PPFIBP2: variants seen among roughly 807,000 people sequenced by gnomAD.
The protein encoded by PPFIBP2 is PPFIB scaffold protein 2.
A neutral mutation model predicts 118.3 loss-of-function variants in PPFIBP2; 118 were observed. The observed-to-expected ratio is 1.00, with a 90% confidence interval of 0.86 to 1.16. The LOEUF is 1.16. Ranked by LOEUF, PPFIBP2 falls within the 50% of genes most tolerant of loss-of-function variation. The pLI is 0.00. For synonymous variants in PPFIBP2, 414 were observed against 397.4 expected, an observed-to-expected ratio of 1.04 and a Z score of -0.50; for missense variants, 1,195 against 1,073.1, an observed-to-expected ratio of 1.11 and a Z score of -1.59.
intron 3 of PPFIBP2, among the ~76,000 whole-genome samples, chr11:7,566,763 C>G (rs7116212): frequency 0.55 from 83,131 of 152,002 alleles, 24,648 homozygotes; most frequent in African/African-American, 0.79. Flanking sequence ...GTGAAATTTC[C>G]TTACATGTAT....
the PPFIBP2 span, chr11:7,665,896 C>T: frequency 1.1e-5 from 17 of 1,536,140 alleles, no homozygotes; most frequent in African/African-American, 4.1e-5. Flanking sequence ...AGTGGAACTG[C>T]GCAGAATTGC....
chr11:7,666,044 T>C, the PPFIBP2 span: 1 of 802,262 alleles, frequency 1.2e-6, no homozygotes, highest in East Asian at 2.7e-5. Flanking sequence ...AGCAGCTGTC[T>C]GGGGGCTCAG....
intron 19 of PPFIBP2, 25 bp from the exon 20 acceptor site, chr11:7,649,122 A>C (rs4758009): frequency 0.59 from 936,475 of 1,592,266 alleles, 280,753 homozygotes; most frequent in East Asian, 0.63. Context: ...GAATCCTGAC[A>C]CATCTGGGGT....
Position 7,653,325 on chromosome 11 carries a change from A to G in PPFIBP2, c.*107A>G, listed in dbSNP as rs749739549. On this transcript the variant is annotated 3_prime_UTR_variant, in exon 24 of 24. Transcript: ENST00000299492. Reference sequence around the variant, plus strand: ...CGCACGTGTGCATGACTCGCAGAGAATATTCCAGCAATTGTGTACCCCTGG... The same window carrying G: ...CGCACGTGTGCATGACTCGCAGAGAGTATTCCAGCAATTGTGTACCCCTGG... The G allele has an allele frequency of 6.6e-7, 1 of 1,525,530 alleles. No individual in the cohort carries two copies. The highest frequency in any genetic ancestry group is 1.4e-5 in the African/African-American group (1 of 73,006). 94.5% of individuals were successfully genotyped at this position (1,525,530 alleles called of 1,614,324 possible).
chr11:7,664,491 A>G, the PPFIBP2 span, among the ~76,000 whole-genome samples: 1 of 152,102 alleles, frequency 6.6e-6, no homozygotes, highest in Non-Finnish European at 1.5e-5. Context: ...CTACCCTCTA[A>G]ATGCTAATAG....
chr11:7,653,563 T>A lies in PPFIBP2; in HGVS notation c.*345T>A. ...GAGACCATGGACACTCCCACGAGGC[T>A]CAGCTCTCAGGCACCCCCTACACTT... On this transcript the variant is annotated 3_prime_UTR_variant, in exon 24 of 24. Coordinates refer to ENST00000299492, the MANE Select transcript of PPFIBP2 (RefSeq NM_003621.5). 7.6e-7 allele frequency: 1 copy of A among 1,311,438 alleles called. No individual in the cohort carries two copies. Among genetic ancestry groups the A allele is most frequent in the Non-Finnish European group, 1.0e-6 (1 of 1,003,976 alleles). The allele number at this position is 1,311,438 out of a possible 1,614,324, so 81.2% of individuals were successfully genotyped here.
At chr11:7,604,678 AAGTTTCTTT>A (rs1452062077) in intron 5 of PPFIBP2, among the ~76,000 whole-genome samples, 2 of 152,206 alleles carry the variant, frequency 1.3e-5, no homozygotes, top group African/African-American at 4.8e-5. Context: ...GTCAAGACGG[AAGTTTCTTT>A]AGAATGTCAG....
chr11:7,573,499 T>C (rs1432632290), intron 3 of PPFIBP2, among the ~76,000 whole-genome samples: 1 of 152,226 alleles, frequency 6.6e-6, no homozygotes, highest in African/African-American at 2.4e-5. Flanking sequence ...GTGGCTGCTT[T>C]TGCACTGCAA....
In PPFIBP2 at chr11:7,600,811, C is replaced by T. The variant is rs569652377; in HGVS notation, c.486+3138C>T. On this transcript the variant is annotated intron_variant, in intron 5 of 23. Transcript: ENST00000299492. ...TAGGCCTGGTAATGCTAGATATTCTCATTTTTCACAAGAGACTCAAAATCC... is the reference window on the plus strand; with the variant it reads ...TAGGCCTGGTAATGCTAGATATTCTTATTTTTCACAAGAGACTCAAAATCC... Among the ~76,000 whole-genome samples the T allele has an allele frequency of 2.6e-5, 4 of 152,320 alleles. No homozygotes were observed. In the South Asian group the frequency reaches 6.2e-4, roughly 24 times the overall value.
At chr11:7,611,213 C>T (rs1848034813) in intron 6 of PPFIBP2, among the ~76,000 whole-genome samples, 1 of 152,212 alleles carries the variant, frequency 6.6e-6, no homozygotes, top group South Asian at 2.1e-4. Context: ...GCTACTTAAT[C>T]TTTCTGAACT....
chr11:7,656,293 CT>C (rs1854682394), downstream of PPFIBP2, among the ~76,000 whole-genome samples: 1 of 152,208 alleles, frequency 6.6e-6, no homozygotes, highest in South Asian at 2.1e-4. Context: ...ATCGAGGCCC[CT>C]GTCCCTGTAC....
In PPFIBP2 at chr11:7,549,430, G is replaced by A. The variant is rs1273089429; in HGVS notation, c.-36-10G>A. 1 of 1,551,384 alleles carries A rather than the reference G, an allele frequency of 6.4e-7. No homozygotes were observed. Among genetic ancestry groups the A allele is most frequent in the Non-Finnish European group, 8.7e-7 (1 of 1,146,618 alleles). ...GTAATTTTTCCTTTGTTCTGTATTTGAATTTTCAGTAAGAAGAGGAGGAGG... is the reference window on the plus strand; with the variant it reads ...GTAATTTTTCCTTTGTTCTGTATTTAAATTTTCAGTAAGAAGAGGAGGAGG... On this transcript the variant is annotated splice_polypyrimidine_tract_variant and intron_variant, in intron 1 of 23. Coordinates refer to ENST00000299492, the MANE Select transcript of PPFIBP2 (RefSeq NM_003621.5).
chr11:7,544,065 A>G (rs1203757925), intron 1 of PPFIBP2, among the ~76,000 whole-genome samples: 1 of 152,056 alleles, frequency 6.6e-6, no homozygotes, highest in Non-Finnish European at 1.5e-5. Flanking sequence ...AATGAGCAGG[A>G]CCCCCAGCCT....
In PPFIBP2 at chr11:7,636,588, G is replaced by A. The variant is rs140274427; in HGVS notation, c.1236+995G>A. ...CTCAGCAGTCCCCCCTCCCACCTCA[G>A]CGTCACAGAGGTCATTCGCAGGTGT... On this transcript the variant is annotated intron_variant, in intron 14 of 23. Transcript: ENST00000299492. Among the ~76,000 whole-genome samples the A allele has an allele frequency of 6.0e-3, 911 of 152,134 alleles. 13 individuals are homozygous for A. Among genetic ancestry groups the A allele is most frequent in the African/African-American group, 0.021 (880 of 41,504 alleles).
chr11:7,564,286 G>A (rs1314406405), intron 2 of PPFIBP2, among the ~76,000 whole-genome samples: 1 of 152,170 alleles, frequency 6.6e-6, no homozygotes, highest in Non-Finnish European at 1.5e-5. Flanking sequence ...ACTCATTCAG[G>A]TATATGTGCG....
intron 3 of PPFIBP2, among the ~76,000 whole-genome samples, chr11:7,583,979 G>T (rs1053633301): frequency 6.6e-6 from 1 of 152,212 alleles, no homozygotes; most frequent in South Asian, 2.1e-4. Flanking sequence ...CCACTGTAAA[G>T]CCTCTTCTCT....
chr11:7,654,586 G>A (rs1854512752), downstream of PPFIBP2, among the ~76,000 whole-genome samples: 1 of 152,256 alleles, frequency 6.6e-6, no homozygotes, highest in Non-Finnish European at 1.5e-5. Context: ...GGAGGTGAGA[G>A]ATGTGGGGAC....
chr11:7,532,386 C>T (rs1023479257), intron 1 of PPFIBP2, among the ~76,000 whole-genome samples: 4 of 152,168 alleles, frequency 2.6e-5, no homozygotes, highest in East Asian at 1.9e-4. Context: ...CAATTCAGCT[C>T]ATAACAGGGT....
At chr11:7,602,952 A>C (rs1389702855) in intron 5 of PPFIBP2, among the ~76,000 whole-genome samples, 1 of 152,194 alleles carries the variant, frequency 6.6e-6, no homozygotes, top group Non-Finnish European at 1.5e-5. Context: ...CCTACCTCTT[A>C]CTTCTCAGAG....
Sources: gnomAD v4.1 joint callset for allele counts (sites outside exome capture counted in the v4.1 genomes callset) on GRCh38, gnomAD v4.1.1 for gene constraint, MANE v1.5 for transcripts, NCBI Gene and HGNC (gene_info 2026-07-23, HGNC 2026-07-21) for gene names.